The following IQCJ variants were observed in gnomAD, a reference collection of about 807,000 sequenced individuals.
IQCJ encodes the protein IQ motif containing J.
Under a neutral mutation model 11.0 loss-of-function variants are expected in IQCJ, and 9 were observed. The ratio of observed to expected loss-of-function variants is 0.82; its 90% CI spans 0.49 to 1.43. IQCJ has a LOEUF of 1.43. Ranked by LOEUF, IQCJ falls within the 40% of genes most tolerant of loss-of-function variation. The pLI, the probability that IQCJ is intolerant of heterozygous loss-of-function variation, is 0.00. For missense variants in IQCJ, 146 were observed against 133.2 expected (o/e 1.10, Z -0.47); for synonymous variants, 55 against 51.3 (o/e 1.07, Z -0.31).
At chr3:159,163,828 C>T (rs1355360334) in intron 1 of IQCJ, among the ~76,000 whole-genome samples, 1 of 152,158 alleles carries the variant, frequency 6.6e-6, no homozygotes, top group Non-Finnish European at 1.5e-5. Flanking sequence ...GGAAGTCTGG[C>T]TTCAAAGCCC....
chr3:159,238,903 T>C (rs1450961768), intron 1 of IQCJ, among the ~76,000 whole-genome samples: 1 of 152,132 alleles, frequency 6.6e-6, no homozygotes, highest in Non-Finnish European at 1.5e-5. Context: ...ACACAGACCT[T>C]GGCTGAGGAG....
intron 1 of IQCJ, among the ~76,000 whole-genome samples, chr3:159,191,255 A>C (rs191648550): frequency 6.6e-6 from 1 of 152,204 alleles, no homozygotes; most frequent in African/African-American, 2.4e-5. Context: ...AGGTTGGAGG[A>C]GCATGGGTTT....
At chr3:159,145,749 C>T (rs1355860059) in intron 1 of IQCJ, among the ~76,000 whole-genome samples, 1 of 152,098 alleles carries the variant, frequency 6.6e-6, no homozygotes, top group Non-Finnish European at 1.5e-5. Context: ...TCCAGCTATA[C>T]ATTGATACAT....
At chr3:159,122,580 T>C (rs1719438782) in intron 1 of IQCJ, among the ~76,000 whole-genome samples, 1 of 152,214 alleles carries the variant, frequency 6.6e-6, no homozygotes, top group Admixed American at 6.5e-5. Context: ...ATTTCCTTTT[T>C]TCTTCGAAAA....
chr3:159,201,676 C>T (rs1724354248), intron 1 of IQCJ, among the ~76,000 whole-genome samples: 3 of 132,682 alleles, frequency 2.3e-5, no homozygotes, highest in African/African-American at 8.6e-5. Flanking sequence ...GCTCTGTCGC[C>T]CAGGCTGGAG....
At chr3:159,204,766 G>C (rs1724548331) in intron 1 of IQCJ, among the ~76,000 whole-genome samples, 1 of 152,216 alleles carries the variant, frequency 6.6e-6, no homozygotes, top group South Asian at 2.1e-4. Context: ...CAGGTAATTT[G>C]AGAGGACAGA....
At chr3:159,136,929 G>A (rs1720322393) in intron 1 of IQCJ, among the ~76,000 whole-genome samples, 2 of 152,154 alleles carry the variant, frequency 1.3e-5, no homozygotes, top group South Asian at 2.1e-4. Context: ...ACAAAGAATG[G>A]TTCTGTGTCG....
intron 1 of IQCJ, among the ~76,000 whole-genome samples, chr3:159,202,546 C>T (rs56737496): frequency 0.016 from 2,417 of 152,260 alleles, 49 homozygotes; most frequent in African/African-American, 0.055. Context: ...AAGGATATAG[C>T]GGTGGCTGTT....
intron 1 of IQCJ, among the ~76,000 whole-genome samples, chr3:159,102,215 A>G (rs779888446): frequency 1.3e-4 from 20 of 152,232 alleles, no homozygotes; most frequent in Non-Finnish European, 2.6e-4. Flanking sequence ...CTAATCTGAA[A>G]GCAGAAATCT....
rs191670148 is a variant in IQCJ, at chr3:159,127,684, A to G, written c.9+58243A>G. Reference sequence around the variant, plus strand: ...TCGTGTTGACTGAGAAGAAGTGGCAATTAGAGAATTTTATCAAATCTATTA... The same window carrying G: ...TCGTGTTGACTGAGAAGAAGTGGCAGTTAGAGAATTTTATCAAATCTATTA... On this transcript the variant is annotated intron_variant, in intron 1 of 3. Coordinates refer to ENST00000397832, the MANE Select transcript of IQCJ (RefSeq NM_001042706.3). Among the ~76,000 whole-genome samples the G allele has an allele frequency of 1.2e-4, 19 of 152,350 alleles. No individual in the cohort carries two copies. The East Asian group carries it at 3.1e-3, about 25-fold the overall frequency.
chr3:159,101,210 C>T lies in IQCJ; in HGVS notation c.9+31769C>T, dbSNP rs540636761. ...CTTGCGCTTCCCAGGTGAGGCAATG[C>T]CTCGCCCTGCTTCGGCTCGCGCACG... On this transcript the variant is annotated intron_variant, in intron 1 of 3. Transcript: ENST00000397832. Among the ~76,000 whole-genome samples the T allele has an allele frequency of 2.4e-3, 363 of 148,706 alleles. 4 individuals carry two copies. Among genetic ancestry groups the T allele is most frequent in the African/African-American group, 8.9e-3 (355 of 39,990 alleles).
At chr3:159,140,565 A>T (rs1018452477) in intron 1 of IQCJ, among the ~76,000 whole-genome samples, 4 of 152,218 alleles carry the variant, frequency 2.6e-5, no homozygotes, top group Non-Finnish European at 5.9e-5. Flanking sequence ...TCACAGGGAT[A>T]CCCAAGAGCA....
chr3:159,169,936 C>T (rs1261780138), intron 1 of IQCJ, among the ~76,000 whole-genome samples: 2 of 152,160 alleles, frequency 1.3e-5, no homozygotes, highest in East Asian at 3.9e-4. Context: ...CACTCCAGTT[C>T]AGAACTTGCA....
chr3:159,117,947 C>T (rs539041575), intron 1 of IQCJ, among the ~76,000 whole-genome samples: 17 of 152,232 alleles, frequency 1.1e-4, no homozygotes, highest in East Asian at 3.9e-4. Context: ...CTCCGTGATG[C>T]GCCTTACCCC....
At chr3:159,197,113 G>A (rs1359415800) in intron 1 of IQCJ, among the ~76,000 whole-genome samples, 1 of 152,144 alleles carries the variant, frequency 6.6e-6, no homozygotes, top group Non-Finnish European at 1.5e-5. Context: ...TATGTAAGCA[G>A]TCTATCAGAA....
chr3:159,232,506 G>C (rs1726322775), intron 1 of IQCJ, among the ~76,000 whole-genome samples: 1 of 145,802 alleles, frequency 6.9e-6, no homozygotes, highest in South Asian at 2.2e-4. Flanking sequence ...ACCCAGGCTG[G>C]AGTGCAGTGG....
intron 3 of IQCJ, among the ~76,000 whole-genome samples, chr3:159,259,574 A>G (rs1728089579): frequency 6.6e-6 from 1 of 152,236 alleles, no homozygotes; most frequent in Non-Finnish European, 1.5e-5. Flanking sequence ...TCCCTCTTAC[A>G]GTAAAATAAC....
intron 1 of IQCJ, among the ~76,000 whole-genome samples, chr3:159,219,450 C>T (rs971462959): frequency 2.0e-5 from 3 of 152,126 alleles, no homozygotes; most frequent in East Asian, 1.9e-4. Flanking sequence ...GATACTTTAG[C>T]GTCCACTCTG....
intron 1 of IQCJ, among the ~76,000 whole-genome samples, chr3:159,242,839 G>A (rs887467611): frequency 6.6e-6 from 1 of 152,030 alleles, no homozygotes; most frequent in Non-Finnish European, 1.5e-5. Flanking sequence ...AAATTATATT[G>A]CATCAAAATG....
Sources: allele counts gnomAD v4.1 joint callset (sites outside exome capture counted in the v4.1 genomes callset), GRCh38; gene constraint gnomAD v4.1.1; transcripts MANE v1.5; gene names NCBI Gene and HGNC (gene_info 2026-07-23, HGNC 2026-07-21).